Variants in UPF2 observed in about 807,000 individuals in gnomAD.
The protein encoded by UPF2 is regulator of nonsense transcripts 2.
UPF2 carries 17 observed loss-of-function variants against 141.4 expected under a neutral mutation model. The ratio of observed to expected loss-of-function variants is 0.12; its 90% CI spans 0.08 to 0.18. UPF2 has a LOEUF of 0.18. Ranked by LOEUF, UPF2 falls within the 10% of genes least tolerant of loss-of-function variation. The pLI is 1.00. For synonymous variants in UPF2, 540 were observed against 498.0 expected, an observed-to-expected ratio of 1.08 and a Z score of -1.12; for missense variants, 1,152 against 1,515.9, an observed-to-expected ratio of 0.76 and a Z score of 3.99.
chr10:11,963,740 G>A (rs1833275659), intron 11 of UPF2, among the ~76,000 whole-genome samples: 1 of 152,112 alleles, frequency 6.6e-6, no homozygotes, highest in African/African-American at 2.4e-5. Context: ...AGTATTGGGT[G>A]CCTGCTCATC....
chr10:11,943,227 A>T, intron 16 of UPF2, 59 bp from the exon 17 acceptor site: 2 of 1,325,996 alleles, frequency 1.5e-6, no homozygotes, highest in South Asian at 2.5e-5. Flanking sequence ...CATATTTTAC[A>T]TGCCTTAAAA....
intron 7 of UPF2, 102 bp from the exon 8 acceptor site, chr10:11,997,859 A>C: frequency 8.3e-7 from 1 of 1,207,792 alleles, no homozygotes; most frequent in East Asian, 2.4e-5. Flanking sequence ...TAAACATTTC[A>C]AAATGGTTTT....
intron 21 of UPF2, among the ~76,000 whole-genome samples, chr10:11,925,608 C>T (rs528754582): frequency 6.6e-6 from 1 of 152,324 alleles, no homozygotes; most frequent in African/African-American, 2.4e-5. Context: ...ACAAGCTAAG[C>T]GGCACTTAAG....
chr10:11,922,363 T>C (rs1832656204), intron 21 of UPF2, among the ~76,000 whole-genome samples: 1 of 152,172 alleles, frequency 6.6e-6, no homozygotes, highest in Non-Finnish European at 1.5e-5. Context: ...AGCGTTAAGA[T>C]GCAAATATGG....
intron 1 of UPF2, among the ~76,000 whole-genome samples, chr10:12,036,509 C>G (rs930299832): frequency 7.9e-5 from 12 of 152,182 alleles, no homozygotes; most frequent in Admixed American, 5.9e-4. Flanking sequence ...AGGGCAGATA[C>G]AGAACATTTC....
chr10:11,964,756 T>C (rs972362350), intron 10 of UPF2, among the ~76,000 whole-genome samples: 1 of 152,314 alleles, frequency 6.6e-6, no homozygotes, highest in African/African-American at 2.4e-5. Context: ...ATCACCCCAA[T>C]TGCCTTCCAT....
rs34436794 is a variant in UPF2 at position 11,990,989 on chromosome 10, C to CA, written c.1844+6682dup. Reference sequence around the variant, plus strand: ...TGAGCGACAGAGCAAGACTCCATCTCAAAAAAAAAAAAAAAAAGGAAACCT... The same window carrying CA: ...TGAGCGACAGAGCAAGACTCCATCTCAAAAAAAAAAAAAAAAAAGGAAACCT... On this transcript the variant is annotated intron_variant, in intron 8 of 21. Transcript: ENST00000357604. Among the ~76,000 whole-genome samples, 303 of 92,866 alleles carry CA rather than the reference C, an allele frequency of 3.3e-3. 2 individuals are homozygous for CA. Among genetic ancestry groups the CA allele is most frequent in the South Asian group, 0.019 (56 of 2,962 alleles). The allele number at this position is 92,866 out of a possible 152,430, so 60.9% of individuals were successfully genotyped here.
intron 21 of UPF2, 93 bp downstream of exon 21, chr10:11,929,772 C>G: frequency 1.3e-6 from 2 of 1,502,944 alleles, no homozygotes; most frequent in South Asian, 1.3e-5. Flanking sequence ...AAAAATCGGG[C>G]CTTTGCCAAA....
chr10:11,956,456 A>G lies in UPF2; in HGVS notation c.2438T>C (p.Met813Thr). 1 of 1,614,122 alleles carries G rather than the reference A, an allele frequency of 6.2e-7. No homozygotes were observed. The highest frequency in any genetic ancestry group is 8.5e-7 in the Non-Finnish European group (1 of 1,179,976). ...QEVKDYVICCMINIWNVKYNS... is the reference protein window; with the variant it reads ...QEVKDYVICCTINIWNVKYNS... Reference sequence around the variant, plus strand: ...ATATTTCACATTCCAGATGTTTATCATACAACAAATAACATAGTCTTTCAC... The same window carrying G: ...ATATTTCACATTCCAGATGTTTATCGTACAACAAATAACATAGTCTTTCAC... The change falls in exon 13 of 22, where the codon ATG becomes ACG. Residue 813 changes from methionine (M) to threonine (T), a missense_variant. By Grantham distance (81) the Met-to-Thr change is moderately conservative (BLOSUM62 -1). Transcript: ENST00000357604. This position sits in a 1 kb window ranked among gnomAD's most constrained non-coding sequence, Gnocchi z 4.2.
At chr10:11,930,753 G>C (rs554704613) in intron 20 of UPF2, among the ~76,000 whole-genome samples, 8 of 152,298 alleles carry the variant, frequency 5.3e-5, no homozygotes, top group Admixed American at 2.0e-4. Context: ...CATCCAGCCT[G>C]GGTGACAGAG....
Position 11,921,394 on chromosome 10 carries a change from C to G in UPF2, c.3810-87G>C. On this transcript the variant is annotated intron_variant, in intron 21 of 21. Coordinates refer to ENST00000357604, the MANE Select transcript of UPF2 (RefSeq NM_015542.4). The surrounding 1 kb of genome is among the most constrained non-coding windows in gnomAD (Gnocchi z 5.9). ...TGGCGTCTGCAACGCTACCCACCAC[C>G]ACCAAGTCACTCCCCCAAGTTACAG... 4 of 1,539,372 alleles carry G rather than the reference C, an allele frequency of 2.6e-6. No individual in the cohort carries two copies. Among genetic ancestry groups the G allele is most frequent in the Non-Finnish European group, 3.6e-6 (4 of 1,116,046 alleles).
chr10:12,021,128 ACT>A (rs1161660595), intron 3 of UPF2, among the ~76,000 whole-genome samples: 3 of 152,106 alleles, frequency 2.0e-5, no homozygotes, highest in Non-Finnish European at 4.4e-5. Context: ...AAAGAACCTG[ACT>A]CTATCACTCA....
intron 6 of UPF2, 149 bp from the exon 7 acceptor site, chr10:12,000,158 A>C (rs917426704): frequency 2.6e-5 from 17 of 643,980 alleles, no homozygotes; most frequent in Non-Finnish European, 4.0e-5. Context: ...ATTATCCTAG[A>C]AAGTTTAGGT....
At chr10:11,994,474 A>G (rs561186935) in intron 8 of UPF2, among the ~76,000 whole-genome samples, 1 of 152,356 alleles carries the variant, frequency 6.6e-6, no homozygotes, top group African/African-American at 2.4e-5. Flanking sequence ...TCCTACTGAA[A>G]GGAGTGGAAA....
At chr10:11,928,709 A>AG (rs1046620164) in intron 21 of UPF2, 1 of 361,156 alleles carries the variant, frequency 2.8e-6, no homozygotes, top group African/African-American at 2.2e-5. Context: ...ACTCCGCCTC[A>AG]GAAAAAAAAA....
intron 21 of UPF2, among the ~76,000 whole-genome samples, chr10:11,926,094 C>A (rs2131145945): frequency 6.6e-6 from 1 of 152,298 alleles, no homozygotes; most frequent in African/African-American, 2.4e-5. Flanking sequence ...GACCCATGGT[C>A]TTGGCTATGG....
chr10:12,033,318 T>C (rs955365378), intron 2 of UPF2, among the ~76,000 whole-genome samples: 1 of 152,110 alleles, frequency 6.6e-6, no homozygotes, highest in Non-Finnish European at 1.5e-5. Context: ...GGAGGACTTC[T>C]TGAGTCCAAG....
At chr10:12,012,863 G>A (rs998629270) in intron 4 of UPF2, among the ~76,000 whole-genome samples, 9 of 151,800 alleles carry the variant, frequency 5.9e-5, no homozygotes, top group Non-Finnish European at 8.8e-5. Context: ...AAGAGCCTGG[G>A]TGCAGTGGCT....
At chr10:11,942,860 T>A in intron 17 of UPF2, 97 bp from the exon 18 acceptor site, 1 of 1,114,384 alleles carries the variant, frequency 9.0e-7, no homozygotes, top group Non-Finnish European at 1.3e-6. Context: ...TTAACATAAC[T>A]CAAGGAGTAA....
Sources: gnomAD v4.1 joint callset for allele counts (sites outside exome capture counted in the v4.1 genomes callset) on GRCh38, gnomAD v4.1.1 for gene constraint, Gnocchi (gnomAD v3.1) non-coding constraint, MANE v1.5 for transcripts, NCBI Gene and HGNC (gene_info 2026-07-23, HGNC 2026-07-21) for gene names.